TIMM50: variants seen among roughly 807,000 people sequenced by gnomAD.
The protein encoded by TIMM50 is translocase of inner mitochondrial membrane 50.
In TIMM50, 34 loss-of-function variants were observed where a neutral mutation model predicts 49.6. That is an observed-to-expected ratio of 0.69 (90% CI 0.52 to 0.91). The LOEUF is 0.91. Among genes scored for constraint, TIMM50 ranks in the 40% least tolerant of loss-of-function variants. The pLI is 0.00. For missense variants in TIMM50, 458 were observed against 477.8 expected, an observed-to-expected ratio of 0.96 and a Z score of 0.39; for synonymous variants, 199 against 198.4, an observed-to-expected ratio of 1.00 and a Z score of -0.03.
chr19:39,486,317 A>G (rs1169044916), intron 7 of TIMM50, 26 bp downstream of exon 7: 1 of 1,613,558 alleles, frequency 6.2e-7, no homozygotes, highest in Non-Finnish European at 8.5e-7. Context: ...AGGGGAGGGA[A>G]TATTGGTGTG....
Position 39,489,919 on chromosome 19 carries a change from GC to G in TIMM50, c.*101del, listed in dbSNP as rs2144741170. ...TTGTCCAATAAAGTACATCCCAGAC[GC>G]CACACCTGCTGTGTCCCGAGAGTCT... On this transcript the variant is annotated 3_prime_UTR_variant, in exon 11 of 11. Coordinates refer to ENST00000607714, the MANE Select transcript of TIMM50 (RefSeq NM_001001563.5). 15 of 1,137,348 alleles carry G rather than the reference GC, an allele frequency of 1.3e-5. No individual in the cohort carries two copies. In the South Asian group the frequency reaches 2.0e-4, roughly 15 times the overall value. The allele number at this position is 1,137,348 out of a possible 1,614,324, so 70.5% of individuals were successfully genotyped here.
chr19:39,481,473 T>C (rs1351387970), intron 1 of TIMM50, among the ~76,000 whole-genome samples: 1 of 152,144 alleles, frequency 6.6e-6, no homozygotes, highest in Non-Finnish European at 1.5e-5. Context: ...CCTATAACTC[T>C]GCTACTTTTA....
Position 39,485,410 on chromosome 19 carries a change from C to T in TIMM50, c.314-134C>T, listed in dbSNP as rs928116595. On this transcript the variant is annotated intron_variant, in intron 4 of 10. Transcript: ENST00000607714. ...TATGTCATTGCCTTCTATCTTTGGA[C>T]CTAGAAATGAGTTGGTTCAAACCAG... 5.2e-6 allele frequency: 5 copies of T among 969,092 alleles called. No homozygotes were observed. In the Admixed American group the frequency reaches 1.0e-4, roughly 20 times the overall value. 60.0% of individuals were successfully genotyped at this position (969,092 alleles called of 1,614,324 possible).
intron 3 of TIMM50, 81 bp downstream of exon 3, chr19:39,482,997 A>G (rs1346514887): frequency 5.0e-6 from 8 of 1,610,336 alleles, no homozygotes; most frequent in Non-Finnish European, 6.8e-6. Flanking sequence ...GTTCAGGCAC[A>G]TTGCTGGTCT....
intron 4 of TIMM50, chr19:39,483,386 TGGG>T: frequency 1.8e-6 from 1 of 556,118 alleles, no homozygotes; most frequent in South Asian, 2.1e-5. Context: ...ATTGGAGCCT[TGGG>T]TGGGAGGGCT....
rs2079549790 is a variant in TIMM50 at position 39,492,187 on chromosome 19, A to G, written c.*2367A>G. On this transcript the variant is annotated 3_prime_UTR_variant, in exon 11 of 11. Coordinates refer to ENST00000607714, the MANE Select transcript of TIMM50 (RefSeq NM_001001563.5). ...CAGTGCCTCGGTTTCTACATTTATA[A>G]AATAATAACTGGGCAGGCACAGTGG... The G allele has an allele frequency of 6.6e-6, 1 of 152,070 alleles. No individual in the cohort carries two copies. The highest frequency in any genetic ancestry group is 1.5e-5 in the Non-Finnish European group (1 of 68,032). The allele number at this position is 152,070 out of a possible 1,614,324, so 9.4% of individuals were successfully genotyped here.
chr19:39,486,562 C>A, intron 8 of TIMM50, 67 bp downstream of exon 8: 1 of 1,416,964 alleles, frequency 7.1e-7, no homozygotes, highest in Non-Finnish European at 1.0e-6. Context: ...GGAAGGAGGG[C>A]CCAGCTCTGA....
rs575787561 is a variant in TIMM50, at chr19:39,485,214, G to C, written c.314-330G>C. On this transcript the variant is annotated intron_variant, in intron 4 of 10. Transcript: ENST00000607714. ...TCTGACCTCGTGATCCGTCTGCCTC[G>C]GCCTCCCAAAGTGCTGGGATTACAG... is the stretch of plus-strand genomic sequence containing the variant. 19 of 353,698 alleles carry C rather than the reference G, an allele frequency of 5.4e-5. No individual in the cohort carries two copies. In the East Asian group the frequency reaches 1.3e-3, roughly 23 times the overall value. 21.9% of individuals were successfully genotyped at this position (353,698 alleles called of 1,614,324 possible). A position where few individuals can be genotyped will look rare whatever the true frequency, so the allele number is the denominator to read the frequency against.
In TIMM50 at chr19:39,484,283, G is replaced by T. The variant is rs557770608; in HGVS notation, c.313+1127G>T. On this transcript the variant is annotated intron_variant, in intron 4 of 10. Transcript: ENST00000607714. The stretch of plus-strand genomic sequence containing the variant: ...GCCGGGAGTGGTGGCCTGTGCCTGT[G>T]GTCCCAGCTACTCAGGAGGCTGAGG... Among the ~76,000 whole-genome samples the T allele has an allele frequency of 2.0e-5, 3 of 152,176 alleles. No homozygotes were observed. In the South Asian group the frequency reaches 6.2e-4, roughly 32 times the overall value.
chr19:39,484,961 G>T (rs113825081), intron 4 of TIMM50: 2,365 of 148,070 alleles, frequency 0.016, 70 homozygotes, highest in African/African-American at 0.053. Context: ...GTTTTGTTTT[G>T]TTTTTTTTTT....
intron 10 of TIMM50, 77 bp from the exon 11 acceptor site, chr19:39,489,642 C>T (rs2079530890): frequency 7.3e-7 from 1 of 1,365,578 alleles, no homozygotes; most frequent in African/African-American, 1.4e-5. Context: ...GGGCTGAGGC[C>T]TGGGGACCTG....
intron 1 of TIMM50, chr19:39,481,285 GT>G (rs2079469749): frequency 9.7e-6 from 4 of 411,694 alleles, no homozygotes; most frequent in Non-Finnish European, 1.7e-5. Context: ...GGCCGTGGGA[GT>G]TATTTTCTCT....
At chr19:39,482,501 CA>C (rs35098450) in intron 2 of TIMM50, among the ~76,000 whole-genome samples, 91,044 of 151,050 alleles carry the variant, frequency 0.6, 28,257 homozygotes, top group African/African-American at 0.75. Flanking sequence ...ACTAAAAATA[CA>C]AAAAAAAATT....
chr19:39,483,109 C>G, intron 3 of TIMM50, 26 bp from the exon 4 acceptor site: 1 of 1,614,136 alleles, frequency 6.2e-7, no homozygotes, highest in Non-Finnish European at 8.5e-7. Context: ...CATCCTAAAC[C>G]TTCCATTTTT....
Position 39,488,653 on chromosome 19 carries a change from C to A in TIMM50, c.960+8C>A. 6.2e-7 allele frequency: 1 copy of A among 1,611,646 alleles called. No individual in the cohort carries two copies. The highest frequency in any genetic ancestry group is 8.5e-7 in the Non-Finnish European group (1 of 1,178,110). ...CAAAGCCGGCTAGAGCAGGTTGGTG[C>A]TCAGATGCCCAGAGTGGAGGATCGG... On this transcript the variant is annotated splice_region_variant and intron_variant, in intron 10 of 10. Coordinates refer to ENST00000607714, the MANE Select transcript of TIMM50 (RefSeq NM_001001563.5).
At chr19:39,485,957 C>A in intron 6 of TIMM50, 150 bp downstream of exon 6, 1 of 1,268,634 alleles carries the variant, frequency 7.9e-7, no homozygotes, top group Non-Finnish European at 1.1e-6. Flanking sequence ...AGAAGGCAGT[C>A]ATGCTAACAC....
chr19:39,485,667 C>T lies in TIMM50; in HGVS notation c.373-21C>T, dbSNP rs765869545. ...CCTGGCCTCCTTGTCTGAGCGCCCC[C>T]ATCCTGTCCCTCTCCCACAGATGAT... is the stretch of plus-strand genomic sequence containing the variant. On this transcript the variant is annotated intron_variant, in intron 5 of 10. Transcript: ENST00000607714. The T allele has an allele frequency of 2.5e-6, 4 of 1,614,146 alleles. No homozygotes were observed. In the Admixed American group the frequency reaches 6.7e-5, roughly 27 times the overall value.
Position 39,483,165 on chromosome 19 carries a change from A to G in TIMM50, c.313+9A>G. On this transcript the variant is annotated intron_variant, in intron 4 of 10. Transcript: ENST00000607714. ...TGATGAGTTCGACAATGGTGAGTAAACAAGCACAGATTCTGGAGTCCCTGA... is the reference window on the plus strand; with the variant it reads ...TGATGAGTTCGACAATGGTGAGTAAGCAAGCACAGATTCTGGAGTCCCTGA... The G allele has an allele frequency of 1.2e-6, 2 of 1,614,084 alleles. No homozygotes were observed. The highest frequency in any genetic ancestry group is 1.7e-6 in the Non-Finnish European group (2 of 1,180,012).
At chr19:39,482,830 G>A (rs1037388728) in intron 2 of TIMM50, 55 bp from the exon 3 acceptor site, 8 of 1,611,338 alleles carry the variant, frequency 5.0e-6, no homozygotes, top group Admixed American at 1.7e-5. Flanking sequence ...CTCCTCCCTC[G>A]GGACCCAGGG....
Sources: gnomAD v4.1 joint callset for allele counts (sites outside exome capture counted in the v4.1 genomes callset) on GRCh38, gnomAD v4.1.1 for gene constraint, MANE v1.5 for transcripts, NCBI Gene and HGNC (gene_info 2026-07-23, HGNC 2026-07-21) for gene names.